The following ZC3H6 variants were observed in gnomAD, a reference collection of about 807,000 sequenced individuals.
The protein encoded by ZC3H6 is zinc finger CCCH-type containing 6, also known as zinc finger CCCH domain-containing protein 6.
ZC3H6 carries 40 observed loss-of-function variants against 107.7 expected under a neutral mutation model. The ratio of observed to expected loss-of-function variants is 0.37; its 90% CI spans 0.29 to 0.48. The LOEUF (loss-of-function observed/expected upper bound fraction) is 0.48, where lower values mean the gene tolerates loss of function less well. ZC3H6 is among the 20% of genes least tolerant of loss of function. ZC3H6 has a pLI of 0.98. For missense variants in ZC3H6, 1,267 were observed against 1,410.4 expected, an observed-to-expected ratio of 0.90 and a Z score of 1.63; for synonymous variants, 493 against 487.9, an observed-to-expected ratio of 1.01 and a Z score of -0.14.
rs1281761242 is a variant in ZC3H6 at position 112,337,838 on chromosome 2, T to G, written c.*5350T>G. 1 of 152,236 alleles carries G rather than the reference T, an allele frequency of 6.6e-6. No homozygotes were observed. The allele number at this position is 152,236 out of a possible 1,614,324, so 9.4% of individuals were successfully genotyped here. On this transcript the variant is annotated 3_prime_UTR_variant, in exon 12 of 12. Coordinates refer to ENST00000409871, the MANE Select transcript of ZC3H6 (RefSeq NM_198581.3). ...GGTTTGACCATGTTGGCCAAGCTGA[T>G]CTTGAACTCCTGGCCTCAAGTGATC...
In ZC3H6 at chr2:112,324,524, A is replaced by G. The variant is rs1169392563; in HGVS notation, c.1713A>G (p.Pro571=). Residue 571 remains proline (P), a synonymous_variant, in exon 10 of 12, where the codon CCA becomes CCG. Transcript: ENST00000409871. ...MKVPRENHCS[P]GSSYQQSPGE... is the part of the protein sequence containing the mutation. ...TACCCAGAGAGAATCACTGTTCTCC[A>G]GGTTCATCATACCAGCAAAGTCCTG... 1 of 1,612,944 alleles carries G rather than the reference A, an allele frequency of 6.2e-7. No individual in the cohort carries two copies. Among genetic ancestry groups the G allele is most frequent in the Admixed American group, 1.7e-5 (1 of 59,824 alleles).
chr2:112,287,945 G>A (rs1443464776), intron 1 of ZC3H6, among the ~76,000 whole-genome samples: 2 of 152,216 alleles, frequency 1.3e-5, no homozygotes, highest in African/African-American at 4.8e-5. Flanking sequence ...AAAATACATG[G>A]CATGCCTTTC....
intron 1 of ZC3H6, among the ~76,000 whole-genome samples, chr2:112,288,642 ATGT>A (rs1200256610): frequency 2.6e-5 from 4 of 152,232 alleles, no homozygotes; most frequent in African/African-American, 9.7e-5. Flanking sequence ...CCTTGCTATG[ATGT>A]TAAGTAATTA....
intron 2 of ZC3H6, 49 bp downstream of exon 2, chr2:112,300,078 T>C: frequency 8.4e-7 from 1 of 1,192,592 alleles, no homozygotes; most frequent in Non-Finnish European, 1.1e-6. Flanking sequence ...TTATGAAATA[T>C]AAAATACTGA....
intron 1 of ZC3H6, among the ~76,000 whole-genome samples, chr2:112,287,639 C>T (rs1208965279): frequency 1.3e-5 from 2 of 152,034 alleles, no homozygotes; most frequent in Admixed American, 1.3e-4. Context: ...CTTGTTCTGT[C>T]GCCCAGGCTG....
Position 112,331,798 on chromosome 2 carries a change from A to T in ZC3H6, c.2880A>T (p.Leu960Phe). The T allele has an allele frequency of 6.2e-7, 1 of 1,613,742 alleles. No homozygotes were observed. The highest frequency in any genetic ancestry group is 8.5e-7 in the Non-Finnish European group (1 of 1,179,846). ...ACTCACACGGTTCAGGAGCTAAATT[A>T]GGAGATCCTAGACTACAAAAAAATT... ...FGDSHGSGAK[L>F]GDPRLQKNFD... Residue 960 changes from leucine (L) to phenylalanine (F), a missense_variant, in exon 12 of 12, where the codon TTA becomes TTT. Around this residue, in one of 3 missense-constraint regions of ZC3H6, gnomAD observed 925 missense variants for 1,025.7 expected, o/e 0.90. Transcript: ENST00000409871.
Position 112,331,179 on chromosome 2 carries a change from A to G in ZC3H6, c.2261A>G (p.Gln754Arg), listed in dbSNP as rs561081734. ...RLAKEKSKGN[Q>R]VVDPRLRTIP... ...GCTAAAGAGAAAAGTAAAGGAAACC[A>G]AGTGGTTGACCCTAGGCTTAGGACT... Residue 754 changes from glutamine (Q) to arginine (R), a missense_variant, in exon 12 of 12, where the codon CAA becomes CGA. Transcript: ENST00000409871. 6.2e-7 allele frequency: 1 copy of G among 1,613,736 alleles called. No homozygotes were observed. The highest frequency in any genetic ancestry group is 1.1e-5 in the South Asian group (1 of 91,038).
chr2:112,312,194 A>C (rs1043559392), intron 5 of ZC3H6: 1 of 358,554 alleles, frequency 2.8e-6, no homozygotes, highest in African/African-American at 2.1e-5. Flanking sequence ...TTTAAAAGCA[A>C]AAATATATCC....
intron 1 of ZC3H6, among the ~76,000 whole-genome samples, chr2:112,279,644 T>C (rs1686492899): frequency 6.6e-6 from 1 of 151,912 alleles, no homozygotes; most frequent in African/African-American, 2.4e-5. Context: ...TGGCCCCCCA[T>C]ATAGATTGAA....
In ZC3H6 at chr2:112,337,365, C is replaced by G. The variant is rs1446618467; in HGVS notation, c.*4877C>G. 1 of 151,416 alleles carries G rather than the reference C, an allele frequency of 6.6e-6. No individual in the cohort carries two copies. Among genetic ancestry groups the G allele is most frequent in the Non-Finnish European group, 1.5e-5 (1 of 67,962 alleles). 9.4% of individuals were successfully genotyped at this position (151,416 alleles called of 1,614,324 possible). On this transcript the variant is annotated 3_prime_UTR_variant, in exon 12 of 12. Transcript: ENST00000409871. ...AGACAGAGTCTTCATTCTTGTTGCCCAGGCTGGAGTGTAATGGTGCAATCT... is the reference window on the plus strand; with the variant it reads ...AGACAGAGTCTTCATTCTTGTTGCCGAGGCTGGAGTGTAATGGTGCAATCT...
In ZC3H6 at chr2:112,339,371, T is replaced by A. The variant is rs1302144326; in HGVS notation, c.*6883T>A. 3.9e-5 allele frequency: 6 copies of A among 152,198 alleles called. No homozygotes were observed. Among genetic ancestry groups the A allele is most frequent in the Non-Finnish European group, 7.3e-5 (5 of 68,030 alleles). 9.4% of individuals were successfully genotyped at this position (152,198 alleles called of 1,614,324 possible). A position where few individuals can be genotyped will look rare whatever the true frequency, so the allele number is the denominator to read the frequency against. On this transcript the variant is annotated 3_prime_UTR_variant, in exon 12 of 12. Coordinates refer to ENST00000409871, the MANE Select transcript of ZC3H6 (RefSeq NM_198581.3). Reference sequence around the variant, plus strand: ...TCAAGGGTAGAATGATATTTCCTTATAAAAGTGACAATCAAAAAAGACTCA... The same window carrying A: ...TCAAGGGTAGAATGATATTTCCTTAAAAAAGTGACAATCAAAAAAGACTCA...
At chr2:112,329,397 C>G (rs886675199) in intron 11 of ZC3H6, among the ~76,000 whole-genome samples, 1 of 152,062 alleles carries the variant, frequency 6.6e-6, no homozygotes, top group African/African-American at 2.4e-5. Flanking sequence ...AGTGAAATTA[C>G]TATACAGAAA....
intron 1 of ZC3H6, among the ~76,000 whole-genome samples, chr2:112,284,223 A>G (rs1027773824): frequency 1.3e-5 from 2 of 152,268 alleles, no homozygotes; most frequent in African/African-American, 2.4e-5. Context: ...GTTGTTTTCT[A>G]CATCCTTGGA....
intron 1 of ZC3H6, among the ~76,000 whole-genome samples, chr2:112,278,802 T>A (rs1686473473): frequency 6.6e-6 from 1 of 152,188 alleles, no homozygotes; most frequent in South Asian, 2.1e-4. Flanking sequence ...TTTTCTCGTT[T>A]AAAGAAATAG....
chr2:112,303,634 T>A (rs1213719837), intron 3 of ZC3H6, among the ~76,000 whole-genome samples: 1 of 152,230 alleles, frequency 6.6e-6, no homozygotes, highest in Non-Finnish European at 1.5e-5. Flanking sequence ...AGTGGAATCA[T>A]ACAGTATTTG....
intron 1 of ZC3H6, among the ~76,000 whole-genome samples, chr2:112,277,364 G>T (rs1467554527): frequency 2.0e-5 from 3 of 151,890 alleles, no homozygotes; most frequent in African/African-American, 7.3e-5. Flanking sequence ...AACCAATGAT[G>T]GGGTTTTGCT....
chr2:112,305,043 C>G (rs562547277), intron 3 of ZC3H6, among the ~76,000 whole-genome samples: 76 of 152,112 alleles, frequency 5.0e-4, no homozygotes, highest in Non-Finnish European at 8.7e-4. Context: ...GTCAATATGT[C>G]CAGTGATTTT....
At chr2:112,294,485 G>A (rs1266315756) in intron 1 of ZC3H6, among the ~76,000 whole-genome samples, 2 of 152,074 alleles carry the variant, frequency 1.3e-5, no homozygotes, top group African/African-American at 4.8e-5. Flanking sequence ...TTTTTGTGGT[G>A]ATCATATTAT....
rs190400194 is a variant in ZC3H6, at chr2:112,286,291, A to G, written c.32+10265A>G. The G allele has an allele frequency of 5.2e-3, 1,383 of 264,906 alleles. 14 individuals are homozygous for G. The highest frequency in any genetic ancestry group is 9.7e-3 in the South Asian group (242 of 24,860). The allele number at this position is 264,906 out of a possible 1,614,324, so 16.4% of individuals were successfully genotyped here. On this transcript the variant is annotated intron_variant, in intron 1 of 11. Transcript: ENST00000409871. ...CGATGAGCCCTCGGCAGTTAGGGTA[A>G]GCAGGTTTCAGCCAGGCTCTTAATG...
Sources: gnomAD v4.1 joint callset for allele counts (sites outside exome capture counted in the v4.1 genomes callset) on GRCh38, gnomAD v4.1.1 for gene constraint, gnomAD v4.1.1 regional missense constraint, MANE v1.5 for transcripts, NCBI Gene and HGNC (gene_info 2026-07-23, HGNC 2026-07-21) for gene names.